NLGN1: variants seen among roughly 807,000 people sequenced by gnomAD.
The protein encoded by NLGN1 is neuroligin 1.
NLGN1 carries 12 observed loss-of-function variants against 65.5 expected under a neutral mutation model. That is an observed-to-expected ratio of 0.18 (90% CI 0.12 to 0.30). NLGN1 has a LOEUF of 0.30. NLGN1 is among the 10% of genes least tolerant of loss of function. The pLI is 1.00. For synonymous variants in NLGN1, 350 were observed against 359.5 expected, an observed-to-expected ratio of 0.97 and a Z score of 0.30; for missense variants, 750 against 1,007.1, an observed-to-expected ratio of 0.74 and a Z score of 3.46.
chr3:173,469,163 A>AT (rs1429591011), intron 2 of NLGN1, among the ~76,000 whole-genome samples: 1 of 152,092 alleles, frequency 6.6e-6, no homozygotes, highest in Non-Finnish European at 1.5e-5. Flanking sequence ...TAATTTTTAA[A>AT]TTTTTTCCAG....
intron 4 of NLGN1, among the ~76,000 whole-genome samples, chr3:174,096,002 AAAAT>A (rs111524218): frequency 6.6e-6 from 1 of 151,014 alleles, no homozygotes; most frequent in African/African-American, 2.4e-5. Context: ...TCCATCTAAA[AAAAT>A]AAATAAATAA....
intron 2 of NLGN1, among the ~76,000 whole-genome samples, chr3:173,496,377 A>G (rs1382566795): frequency 1.3e-5 from 2 of 151,956 alleles, no homozygotes; most frequent in East Asian, 1.9e-4. Flanking sequence ...TACAAATAAT[A>G]TATGTAATTT....
At chr3:173,702,338 G>A (rs563557650) in intron 3 of NLGN1, among the ~76,000 whole-genome samples, 1 of 152,114 alleles carries the variant, frequency 6.6e-6, no homozygotes, top group East Asian at 1.9e-4. Flanking sequence ...GTTACTTCAC[G>A]ACAAGAATTT....
chr3:173,604,505 G>T, exon 3 of NLGN1: 1 of 1,342,198 alleles, frequency 7.5e-7, no homozygotes. Flanking sequence ...GTAAGAAATC[G>T]GAGGTATATT....
At chr3:173,854,837 T>TA (rs1189768911) in intron 4 of NLGN1, among the ~76,000 whole-genome samples, 3 of 152,094 alleles carry the variant, frequency 2.0e-5, no homozygotes, top group Non-Finnish European at 4.4e-5. Context: ...AGGGTGAACT[T>TA]ACATCTCTCA....
chr3:173,503,587 T>G (rs1158766840), intron 2 of NLGN1, among the ~76,000 whole-genome samples: 2 of 152,120 alleles, frequency 1.3e-5, no homozygotes, highest in African/African-American at 2.4e-5. Context: ...GTTTTTCACT[T>G]AAAAGATTGT....
chr3:173,847,321 C>T (rs1000354771), intron 4 of NLGN1, among the ~76,000 whole-genome samples: 2 of 152,106 alleles, frequency 1.3e-5, no homozygotes, highest in East Asian at 1.9e-4. Context: ...ATTGTTTATA[C>T]ATTACTTAGA....
chr3:173,505,771 G>GAAATTCTTAAT (rs1261365145), intron 2 of NLGN1, among the ~76,000 whole-genome samples: 3 of 152,120 alleles, frequency 2.0e-5, no homozygotes, highest in East Asian at 3.9e-4. Flanking sequence ...CTCTGTCACT[G>GAAATTCTTAAT]AATTTAGCAC....
chr3:173,954,780 T>C (rs1711567152), intron 4 of NLGN1, among the ~76,000 whole-genome samples: 1 of 152,154 alleles, frequency 6.6e-6, no homozygotes, highest in African/African-American at 2.4e-5. Context: ...CATCATTTTA[T>C]GTAGAGTATC....
chr3:173,460,051 A>G (rs1723111858), intron 2 of NLGN1, among the ~76,000 whole-genome samples: 1 of 152,090 alleles, frequency 6.6e-6, no homozygotes, highest in South Asian at 2.1e-4. Context: ...AAAAATCAAT[A>G]TTTTTTAATT....
At chr3:173,796,282 T>C (rs1714047443) in intron 3 of NLGN1, among the ~76,000 whole-genome samples, 1 of 152,116 alleles carries the variant, frequency 6.6e-6, no homozygotes. Context: ...CTCATAATTA[T>C]TCTCCTGTTA....
chr3:173,739,236 G>T (rs954005090), intron 3 of NLGN1, among the ~76,000 whole-genome samples: 2 of 152,096 alleles, frequency 1.3e-5, no homozygotes, highest in Non-Finnish European at 2.9e-5. Flanking sequence ...AGACCACATT[G>T]TGGGGGCCAG....
At chr3:173,467,538 A>G (rs1724572986) in intron 2 of NLGN1, among the ~76,000 whole-genome samples, 2 of 152,178 alleles carry the variant, frequency 1.3e-5, no homozygotes, top group Admixed American at 6.6e-5. Context: ...CTAGAAATGT[A>G]TGAGAGTACC....
Position 173,940,403 on chromosome 3 carries a change from C to CAG in NLGN1, c.646+132571_646+132572insAG, listed in dbSNP as rs1745859705. On this transcript the variant is annotated intron_variant, in intron 4 of 6. Transcript: ENST00000457714. Reference sequence around the variant, plus strand: ...CATGCCCGGCCTCAAATAGTTATATCTTGTAGGTTCCTGGTCTACAATATA... The same window carrying CAG: ...CATGCCCGGCCTCAAATAGTTATATCAGTTGTAGGTTCCTGGTCTACAATATA... 3.3e-5 allele frequency among the ~76,000 whole-genome samples: 5 copies of CAG among 152,154 alleles called. No homozygotes were observed. The South Asian group carries it at 1.0e-3, about 32-fold the overall frequency.
intron 4 of NLGN1, among the ~76,000 whole-genome samples, chr3:173,938,927 T>C (rs375252591): frequency 6.6e-6 from 1 of 152,178 alleles, no homozygotes; most frequent in East Asian, 1.9e-4. Context: ...GTCAGAGATA[T>C]AATTTGGGGT....
intron 4 of NLGN1, among the ~76,000 whole-genome samples, chr3:174,058,380 CT>C (rs1293516392): frequency 6.6e-6 from 1 of 152,070 alleles, no homozygotes; most frequent in Non-Finnish European, 1.5e-5. Context: ...ATAAAAGCAT[CT>C]GAATTGGACA....
intron 4 of NLGN1, among the ~76,000 whole-genome samples, chr3:174,255,435 C>CAAAAAAAAAAAAAAAAAAAAAAAAA (rs71162383): frequency 1.7e-4 from 12 of 70,230 alleles, no homozygotes; most frequent in African/African-American, 6.2e-4. Context: ...GACTCTGTCT[C>CAAAAAAAAAAAAAAAAAAAAAAAAA]AAAAAAAAAA....
chr3:174,229,079 T>C (rs1740232655), intron 4 of NLGN1, among the ~76,000 whole-genome samples: 2 of 152,168 alleles, frequency 1.3e-5, no homozygotes, highest in Admixed American at 1.3e-4. Context: ...TGCGTAAACC[T>C]GGACAAATTC....
intron 4 of NLGN1, among the ~76,000 whole-genome samples, chr3:174,161,627 A>G (rs1229150355): frequency 6.6e-6 from 1 of 151,842 alleles, no homozygotes; most frequent in East Asian, 1.9e-4. Flanking sequence ...CCAACAATGT[A>G]TAGGAAAAGA....
Sources: gnomAD v4.1 joint callset for allele counts (sites outside exome capture counted in the v4.1 genomes callset) on GRCh38, gnomAD v4.1.1 for gene constraint, MANE v1.5 for transcripts, NCBI Gene and HGNC (gene_info 2026-07-23, HGNC 2026-07-21) for gene names.